APBB2: variants seen among roughly 807,000 people sequenced by gnomAD.
APBB2 encodes amyloid beta precursor protein binding family B member 2.
Under a neutral mutation model 82.5 loss-of-function variants are expected in APBB2, and 38 were observed. The observed-to-expected ratio is 0.46, with a 90% CI of 0.36 to 0.60. The LOEUF (loss-of-function observed/expected upper bound fraction) is 0.60, where lower values mean the gene tolerates loss of function less well. Among genes scored for constraint, APBB2 ranks in the 20% least tolerant of loss-of-function variants. The probability of loss-of-function intolerance (pLI) is 0.00; values close to 1 mark genes in which losing one functional copy is unlikely to be tolerated. For synonymous variants in APBB2, 341 were observed against 368.2 expected, an observed-to-expected ratio of 0.93 and a Z score of 0.85; for missense variants, 772 against 972.3, an observed-to-expected ratio of 0.79 and a Z score of 2.74.
intron 1 of APBB2, among the ~76,000 whole-genome samples, chr4:41,168,381 T>C (rs111382971): frequency 6.6e-6 from 1 of 151,994 alleles, no homozygotes; most frequent in Non-Finnish European, 1.5e-5. Context: ...TTATTTATTT[T>C]TTTATTTTTT....
chr4:40,819,691 C>A (rs763727135), intron 17 of APBB2, among the ~76,000 whole-genome samples: 4 of 152,110 alleles, frequency 2.6e-5, no homozygotes, highest in Non-Finnish European at 5.9e-5. Flanking sequence ...CATGAACAAA[C>A]CCTCCAATGC....
At chr4:40,992,864 C>T (rs1802540540) in intron 6 of APBB2, among the ~76,000 whole-genome samples, 1 of 152,142 alleles carries the variant, frequency 6.6e-6, no homozygotes, top group African/African-American at 2.4e-5. Flanking sequence ...GCCGGCCTGC[C>T]ATGTGCAGGA....
chr4:40,942,486 T>C (rs1294516520), intron 7 of APBB2, among the ~76,000 whole-genome samples: 5 of 152,168 alleles, frequency 3.3e-5, no homozygotes, highest in African/African-American at 4.8e-5. Context: ...ACTTAACTCA[T>C]TGAGTCTCAG....
chr4:40,861,066 T>C lies in APBB2; in HGVS notation c.1529+29298A>G, dbSNP rs567930920. On this transcript the variant is annotated intron_variant, in intron 12 of 17. Transcript: ENST00000508593. ...CCATATCTACAAAAAATTTTAAACATTAGGCCAGGTGTGGTGGCTCACGCC... is the reference window on the plus strand; with the variant it reads ...CCATATCTACAAAAAATTTTAAACACTAGGCCAGGTGTGGTGGCTCACGCC... Among the ~76,000 whole-genome samples the C allele has an allele frequency of 2.7e-3, 411 of 152,304 alleles. 2 individuals carry two copies. Among genetic ancestry groups the C allele is most frequent in the African/African-American group, 9.4e-3 (389 of 41,584 alleles).
intron 1 of APBB2, among the ~76,000 whole-genome samples, chr4:41,180,535 G>T (rs1183067624): frequency 1.3e-5 from 2 of 152,100 alleles, no homozygotes. Context: ...TTGATGGGGG[G>T]GCAGAGGGAG....
rs2154291961 is a variant in APBB2, at chr4:40,815,123, A to G, written c.*969T>C. 1 of 152,758 alleles carries G rather than the reference A, an allele frequency of 6.5e-6. No homozygotes were observed. Among genetic ancestry groups the G allele is most frequent in the South Asian group, 2.1e-4 (1 of 4,822 alleles). The allele number at this position is 152,758 out of a possible 1,614,324, so 9.5% of individuals were successfully genotyped here. Reference sequence around the variant, plus strand: ...AAAAATCACACGGTGGTAGAAATCTAAAATAATCGTGCATGATAGAAATAT... The same window carrying G: ...AAAAATCACACGGTGGTAGAAATCTGAAATAATCGTGCATGATAGAAATAT... On this transcript the variant is annotated 3_prime_UTR_variant, in exon 18 of 18. Coordinates refer to ENST00000508593, the MANE Select transcript of APBB2 (RefSeq NM_004307.2).
intron 3 of APBB2, among the ~76,000 whole-genome samples, chr4:41,090,629 A>G (rs578125986): frequency 6.6e-6 from 1 of 152,320 alleles, no homozygotes; most frequent in East Asian, 1.9e-4. Context: ...ATGCTACAAC[A>G]TTCCTTTATT....
intron 6 of APBB2, among the ~76,000 whole-genome samples, chr4:40,971,300 T>C (rs918982606): frequency 6.6e-6 from 1 of 152,220 alleles, no homozygotes; most frequent in African/African-American, 2.4e-5. Context: ...AATTCTCTTA[T>C]CTTTCATCTC....
rs996337263 is a variant in APBB2, at chr4:40,975,863, T to C, written c.836-30790A>G. ...AGAGAACAAATTCTCTACTGATTTC[T>C]TATTTCTTAACCCAGGACTTGGATT... On this transcript the variant is annotated intron_variant, in intron 6 of 17. Coordinates refer to ENST00000508593, the MANE Select transcript of APBB2 (RefSeq NM_004307.2). Among the ~76,000 whole-genome samples the C allele has an allele frequency of 4.6e-5, 7 of 152,108 alleles. No individual in the cohort carries two copies. The South Asian group carries it at 8.3e-4, about 18-fold the overall frequency.
At chr4:41,023,821 G>T (rs1350103635) in intron 5 of APBB2, among the ~76,000 whole-genome samples, 1 of 152,004 alleles carries the variant, frequency 6.6e-6, no homozygotes. Context: ...CAGAACTAAA[G>T]AAAATTATTT....
chr4:40,827,341 C>T lies in APBB2; in HGVS notation c.1645-122G>A, dbSNP rs778692916. On this transcript the variant is annotated intron_variant, in intron 13 of 17. Transcript: ENST00000508593. Reference sequence around the variant, plus strand: ...AGTTAGATCAGCTTTAGTCTATTGCCTGAAGTCCCACCCCTGCATCTCTGG... The same window carrying T: ...AGTTAGATCAGCTTTAGTCTATTGCTTGAAGTCCCACCCCTGCATCTCTGG... 9.5e-6 allele frequency: 7 copies of T among 737,864 alleles called. No individual in the cohort carries two copies. The East Asian group carries it at 1.6e-4, about 17-fold the overall frequency. The allele number at this position is 737,864 out of a possible 1,614,324, so 45.7% of individuals were successfully genotyped here. A position where few individuals can be genotyped will look rare whatever the true frequency, so the allele number is the denominator to read the frequency against.
intron 1 of APBB2, among the ~76,000 whole-genome samples, chr4:41,181,051 A>G (rs906886421): frequency 6.6e-6 from 1 of 152,214 alleles, no homozygotes; most frequent in East Asian, 1.9e-4. Flanking sequence ...AATCCCATCA[A>G]TTACATTTAA....
At chr4:40,911,820 G>A (rs546376423) in intron 10 of APBB2, among the ~76,000 whole-genome samples, 2 of 152,290 alleles carry the variant, frequency 1.3e-5, no homozygotes, top group Admixed American at 6.5e-5. Context: ...TCCATGCAGA[G>A]CTTTGTGCTA....
intron 3 of APBB2, among the ~76,000 whole-genome samples, chr4:41,073,747 A>G (rs1041362907): frequency 2.0e-5 from 3 of 152,226 alleles, no homozygotes; most frequent in Non-Finnish European, 4.4e-5. Context: ...AGACAAGTGA[A>G]TCCCTTTAAG....
chr4:40,836,334 G>A lies in APBB2; in HGVS notation c.1530-5757C>T, dbSNP rs186774037. ...TCTACTAAAAATACAAAAATTAGGC[G>A]GGTGCGGTAGTGTGCACCTGTAATC... On this transcript the variant is annotated intron_variant, in intron 12 of 17. Coordinates refer to ENST00000508593, the MANE Select transcript of APBB2 (RefSeq NM_004307.2). Among the ~76,000 whole-genome samples, 77 of 152,214 alleles carry A rather than the reference G, an allele frequency of 5.1e-4. 2 individuals are homozygous for A. In the East Asian group the frequency reaches 0.013, roughly 25 times the overall value.
intron 4 of APBB2, among the ~76,000 whole-genome samples, chr4:41,054,440 T>C (rs1382204492): frequency 1.3e-5 from 2 of 152,116 alleles, no homozygotes; most frequent in East Asian, 3.9e-4. Flanking sequence ...CACACCACCC[T>C]GAATTAAACT....
chr4:40,890,317 C>A, intron 12 of APBB2, 47 bp downstream of exon 12: 1 of 1,583,902 alleles, frequency 6.3e-7, no homozygotes, highest in Non-Finnish European at 8.6e-7. Context: ...TCAGCTAGAC[C>A]AGGGACACGG....
intron 3 of APBB2, among the ~76,000 whole-genome samples, chr4:41,096,768 G>C (rs1369285920): frequency 6.6e-6 from 1 of 152,178 alleles, no homozygotes; most frequent in African/African-American, 2.4e-5. Context: ...TCGAATTGTA[G>C]TCATTGAACA....
At chr4:40,818,824 A>C (rs1413667207) in intron 17 of APBB2, among the ~76,000 whole-genome samples, 1 of 152,144 alleles carries the variant, frequency 6.6e-6, no homozygotes, top group Non-Finnish European at 1.5e-5. Flanking sequence ...TCAAATGATA[A>C]AGGTCAAATG....
Sources: gnomAD v4.1 joint callset for allele counts (sites outside exome capture counted in the v4.1 genomes callset) on GRCh38, gnomAD v4.1.1 for gene constraint, MANE v1.5 for transcripts, NCBI Gene and HGNC (gene_info 2026-07-23, HGNC 2026-07-21) for gene names.